The following FARP1 variants were observed in gnomAD, a reference collection of about 807,000 sequenced individuals.
FARP1 encodes FERM, ARHGEF and pleckstrin domain-containing protein 1.
A neutral mutation model predicts 128.8 loss-of-function variants in FARP1; 52 were observed. The observed-to-expected ratio is 0.40, with a 90% CI of 0.32 to 0.51. FARP1 has a LOEUF of 0.51. Among genes scored for constraint, FARP1 ranks in the 20% least tolerant of loss-of-function variants. FARP1 has a pLI of 0.45. For missense variants in FARP1, 1,333 were observed against 1,367.9 expected (o/e 0.97, Z 0.40); for synonymous variants, 580 against 551.8 (o/e 1.05, Z -0.72).
chr13:98,426,778 A>G (rs1891805995), intron 17 of FARP1, among the ~76,000 whole-genome samples: 1 of 152,256 alleles, frequency 6.6e-6, no homozygotes, highest in Admixed American at 6.5e-5. Flanking sequence ...AGAATTACCT[A>G]AGATGTTCCA....
At chr13:98,440,541 T>G in intron 23 of FARP1, 129 bp from the exon 24 acceptor site, 2 of 918,130 alleles carry the variant, frequency 2.2e-6, no homozygotes, top group Non-Finnish European at 3.3e-6. Context: ...CGAGGCCTCA[T>G]TAGATTCTGG....
At chr13:98,299,128 C>A (rs1341608845) in intron 2 of FARP1, among the ~76,000 whole-genome samples, 8 of 152,156 alleles carry the variant, frequency 5.3e-5, no homozygotes, top group Admixed American at 1.3e-4. Context: ...GATTTTAATG[C>A]TGGGTAATAA....
intron 1 of FARP1, among the ~76,000 whole-genome samples, chr13:98,205,365 T>A (rs1880202920): frequency 6.6e-6 from 1 of 152,128 alleles, no homozygotes; most frequent in African/African-American, 2.4e-5. Flanking sequence ...GTATGTTGGA[T>A]CATCTCTCTC....
chr13:98,319,054 C>G (rs987550081), intron 2 of FARP1, among the ~76,000 whole-genome samples: 31 of 151,240 alleles, frequency 2.0e-4, no homozygotes, highest in Admixed American at 1.4e-3. Context: ...CCTCGGCCCC[C>G]TGGGCTAAAG....
chr13:98,316,203 G>A (rs1041159795), intron 2 of FARP1, among the ~76,000 whole-genome samples: 5 of 152,060 alleles, frequency 3.3e-5, no homozygotes, highest in African/African-American at 1.2e-4. Context: ...AAGAGCTACC[G>A]CCTTGGCTCG....
At chr13:98,275,336 G>GGAGAGAGAGAGA (rs58331449) in intron 2 of FARP1, among the ~76,000 whole-genome samples, 43 of 143,596 alleles carry the variant, frequency 3.0e-4, no homozygotes, top group Admixed American at 1.3e-3. Flanking sequence ...ATGTGGGTAA[G>GGAGAGAGAGAGA]GAGAGAGAGA....
chr13:98,195,819 G>A (rs1879538546), intron 1 of FARP1, among the ~76,000 whole-genome samples: 1 of 152,138 alleles, frequency 6.6e-6, no homozygotes, highest in South Asian at 2.1e-4. Flanking sequence ...TGCCCCAGAA[G>A]TTCGAGACCA....
intron 16 of FARP1, among the ~76,000 whole-genome samples, chr13:98,415,972 C>G (rs536025546): frequency 6.6e-6 from 1 of 152,348 alleles, no homozygotes; most frequent in East Asian, 1.9e-4. Flanking sequence ...CAGGGTGTTA[C>G]GCAAATGGCA....
At chr13:98,379,200 T>TATATATA (rs1291973635) in intron 6 of FARP1, among the ~76,000 whole-genome samples, 2 of 120,290 alleles carry the variant, frequency 1.7e-5, no homozygotes, top group Non-Finnish European at 3.3e-5. Flanking sequence ...ATATATAATA[T>TATATATA]ATATATAATA....
chr13:98,192,617 C>G (rs1475113803), intron 1 of FARP1, among the ~76,000 whole-genome samples: 2 of 152,200 alleles, frequency 1.3e-5, no homozygotes, highest in South Asian at 2.1e-4. Flanking sequence ...TCTCCAACTC[C>G]TGACTTCAGG....
chr13:98,298,930 C>A (rs1885811937), intron 2 of FARP1, among the ~76,000 whole-genome samples: 1 of 152,082 alleles, frequency 6.6e-6, no homozygotes, highest in African/African-American at 2.4e-5. Flanking sequence ...GATTTTCAGA[C>A]CTGTGCTGAA....
chr13:98,269,154 T>C (rs1884274586), intron 2 of FARP1, among the ~76,000 whole-genome samples: 2 of 152,214 alleles, frequency 1.3e-5, no homozygotes, highest in Non-Finnish European at 2.9e-5. Flanking sequence ...TAAAATGAAC[T>C]GCCCTGACCC....
At chr13:98,206,060 G>A (rs1880241503) in intron 1 of FARP1, among the ~76,000 whole-genome samples, 1 of 151,932 alleles carries the variant, frequency 6.6e-6, no homozygotes, top group African/African-American at 2.4e-5. Context: ...CTTTGTAAAG[G>A]TTTTTTTGTT....
chr13:98,440,380 T>A (rs1892474836), intron 23 of FARP1, 145 bp downstream of exon 23: 1 of 684,782 alleles, frequency 1.5e-6, no homozygotes, highest in Admixed American at 2.6e-5. Context: ...ACAGTTCTTT[T>A]TCCTAAAAGT....
chr13:98,396,292 G>T, intron 13 of FARP1: 1 of 399,254 alleles, frequency 2.5e-6, no homozygotes, highest in African/African-American at 2.1e-5. Context: ...GCAAGTGACC[G>T]AGGGCTCCAC....
intron 2 of FARP1, among the ~76,000 whole-genome samples, chr13:98,242,536 A>C (rs1478034984): frequency 6.6e-6 from 1 of 152,112 alleles, no homozygotes; most frequent in Non-Finnish European, 1.5e-5. Flanking sequence ...AAAGGTAGCC[A>C]CGTGTGGTGC....
chr13:98,195,807 G>C (rs982392392), intron 1 of FARP1, among the ~76,000 whole-genome samples: 7 of 152,102 alleles, frequency 4.6e-5, no homozygotes, highest in African/African-American at 1.4e-4. Context: ...TGGAAGGATT[G>C]CTGCCCCAGA....
chr13:98,154,188 T>C (rs1201018855), intron 1 of FARP1, among the ~76,000 whole-genome samples: 1 of 152,224 alleles, frequency 6.6e-6, no homozygotes, highest in Non-Finnish European at 1.5e-5. Flanking sequence ...TGAAGAACAG[T>C]TGACTTGTGT....
In FARP1 at chr13:98,388,371, C is replaced by A; in HGVS notation, c.760-12C>A. 1 of 1,608,498 alleles carries A rather than the reference C, an allele frequency of 6.2e-7. No homozygotes were observed. The highest frequency in any genetic ancestry group is 8.5e-7 in the Non-Finnish European group (1 of 1,174,812). Reference sequence around the variant, plus strand: ...GCATTTCCTGGCTCACTGCTACTGTCTTTCTTTTTAGGGTTTCACTAAGAT... The same window carrying A: ...GCATTTCCTGGCTCACTGCTACTGTATTTCTTTTTAGGGTTTCACTAAGAT... On this transcript the variant is annotated splice_polypyrimidine_tract_variant and intron_variant, in intron 8 of 26. Transcript: ENST00000319562.
Sources: allele counts gnomAD v4.1 joint callset (sites outside exome capture counted in the v4.1 genomes callset), GRCh38; gene constraint gnomAD v4.1.1; transcripts MANE v1.5; gene names NCBI Gene and HGNC (gene_info 2026-07-23, HGNC 2026-07-21).